TENM1: variants seen among roughly 807,000 people sequenced by gnomAD.
TENM1 encodes teneurin transmembrane protein 1.
In TENM1, 35 loss-of-function variants were observed where a neutral mutation model predicts 174.8. The ratio of observed to expected loss-of-function variants is 0.20; its 90% confidence interval spans 0.15 to 0.27. The LOEUF (loss-of-function observed/expected upper bound fraction) is 0.27, where lower values mean the gene tolerates loss of function less well. Among genes scored for constraint, TENM1 ranks in the 10% least tolerant of loss-of-function variants. The pLI, the probability that TENM1 is intolerant of heterozygous loss-of-function variation, is 1.00. For missense variants in TENM1, 1,633 were observed against 2,130.1 expected, an observed-to-expected ratio of 0.77 and a Z score of 4.59; for synonymous variants, 781 against 798.7, an observed-to-expected ratio of 0.98 and a Z score of 0.37.
the TENM1 span, among the ~76,000 whole-genome samples, chrX:125,189,170 G>A: frequency 2.7e-5 from 3 of 112,075 alleles, no homozygotes; most frequent in Non-Finnish European, 5.6e-5. Flanking sequence ...TCCTTTAGGA[G>A]TGTGTCACCC....
chrX:125,182,668 A>G, the TENM1 span, among the ~76,000 whole-genome samples: 1 of 111,579 alleles, frequency 9.0e-6, no homozygotes, highest in African/African-American at 3.3e-5. Flanking sequence ...CACAGTCCCC[A>G]ACTCTCTACT....
At chrX:125,154,553 A>C in the TENM1 span, among the ~76,000 whole-genome samples, 1 of 111,780 alleles carries the variant, frequency 8.9e-6, no homozygotes, top group African/African-American at 3.3e-5. Context: ...AAGAAAAAGC[A>C]GACTCACCTA....
exon 32 of TENM1, chrX:124,381,067 C>T (rs1248130335): frequency 8.3e-7 from 1 of 1,210,233 alleles, no homozygotes; most frequent in Non-Finnish European, 1.1e-6. Context: ...TGGCAGCAAG[C>T]CGCCTGCTAT....
intron 3 of TENM1, among the ~76,000 whole-genome samples, chrX:124,754,455 C>T (rs1326319215): frequency 4.5e-5 from 5 of 111,167 alleles, no homozygotes; most frequent in African/African-American, 9.8e-5. Context: ...GATTCATTAA[C>T]TTTTTGAAGG....
intron 27 of TENM1, among the ~76,000 whole-genome samples, chrX:124,398,182 C>T (rs950589044): frequency 1.0e-3 from 113 of 107,654 alleles, no homozygotes; most frequent in African/African-American, 3.8e-3. Context: ...GGGCCAAGAT[C>T]GCGCCACTGC....
intron 11 of TENM1, among the ~76,000 whole-genome samples, chrX:124,588,709 T>A (rs766833013): frequency 2.0e-3 from 224 of 110,736 alleles, no homozygotes; most frequent in Middle Eastern, 9.1e-3. Context: ...AAAATAAAAA[T>A]AAAAAAAGAA....
chrX:125,171,515 T>C, the TENM1 span, among the ~76,000 whole-genome samples: 1 of 110,477 alleles, frequency 9.1e-6, no homozygotes, highest in African/African-American at 3.3e-5. Context: ...TATTAGGAGG[T>C]AGAGCCTTCA....
At chrX:124,976,009 G>A in the TENM1 span, among the ~76,000 whole-genome samples, 20 of 111,074 alleles carry the variant, frequency 1.8e-4, no homozygotes, top group South Asian at 1.9e-3. Context: ...TAGCACATGA[G>A]AATAATTAGA....
At chrX:124,664,176 T>C (rs2051681262) in intron 6 of TENM1, among the ~76,000 whole-genome samples, 1 of 111,940 alleles carries the variant, frequency 8.9e-6, no homozygotes, top group South Asian at 3.7e-4. Context: ...TTACATGAAT[T>C]ATTCCCAATT....
At chrX:124,392,498 T>A (rs139495344) in intron 27 of TENM1, 150 bp from the exon 31 acceptor site, 21 of 458,178 alleles carry the variant, frequency 4.6e-5, no homozygotes, top group African/African-American at 2.9e-4. Context: ...AGATGCCACC[T>A]GTCTTTATTC....
intron 5 of TENM1, among the ~76,000 whole-genome samples, chrX:124,699,008 G>A (rs1393293812): frequency 9.0e-6 from 1 of 111,513 alleles, no homozygotes; most frequent in Admixed American, 9.5e-5. Flanking sequence ...CCTGCCATCT[G>A]TTTAAAAGCC....
Position 124,903,958 on chromosome X carries a change from G to A in TENM1, c.218-7717C>T, listed in dbSNP as rs146564707. Among the ~76,000 whole-genome samples, 54 of 111,415 alleles carry A rather than the reference G, an allele frequency of 4.8e-4. No homozygotes were observed. In the East Asian group the frequency reaches 0.015, roughly 32 times the overall value. Reference sequence around the variant, plus strand: ...CCAATTTTCTGGCTGGTCATAACTCGTTGGAACCTGAATCCTTGTTGCCCA... The same window carrying A: ...CCAATTTTCTGGCTGGTCATAACTCATTGGAACCTGAATCCTTGTTGCCCA... On this transcript the variant is annotated intron_variant, in intron 1 of 31. Coordinates refer to ENST00000422452, the Ensembl canonical transcript of TENM1.
At chrX:125,201,983 G>C in the TENM1 span, among the ~76,000 whole-genome samples, 1 of 111,241 alleles carries the variant, frequency 9.0e-6, no homozygotes, top group African/African-American at 3.3e-5. Flanking sequence ...GCGGGGGTGA[G>C]CAAGCAAGCA....
chrX:124,578,117 T>C (rs2049216838), intron 11 of TENM1, among the ~76,000 whole-genome samples: 1 of 110,036 alleles, frequency 9.1e-6, no homozygotes, highest in Admixed American at 9.7e-5. Flanking sequence ...CTGTAGAGAT[T>C]GGGTCTCACT....
intron 22 of TENM1, among the ~76,000 whole-genome samples, chrX:124,473,267 G>A (rs2061355272): frequency 9.0e-6 from 1 of 111,153 alleles, no homozygotes; most frequent in Non-Finnish European, 1.9e-5. Flanking sequence ...AACTACTAAA[G>A]CAATTTTACA....
chrX:124,710,328 C>T (rs1428403010), intron 4 of TENM1, among the ~76,000 whole-genome samples: 2 of 111,623 alleles, frequency 1.8e-5, no homozygotes, highest in Non-Finnish European at 3.8e-5. Flanking sequence ...AAAGGAGAAA[C>T]CCAGCAGAAT....
chrX:124,567,908 G>A (rs1001313441), intron 11 of TENM1, among the ~76,000 whole-genome samples: 6 of 111,730 alleles, frequency 5.4e-5, no homozygotes, highest in African/African-American at 2.0e-4. Context: ...AGTCAGCTCT[G>A]CCTAGAATAG....
chrX:124,467,934 T>C (rs2061258346), intron 22 of TENM1, among the ~76,000 whole-genome samples: 1 of 110,245 alleles, frequency 9.1e-6, no homozygotes, highest in African/African-American at 3.3e-5. Flanking sequence ...AATTTTTGTA[T>C]TTTTAGTAGA....
Position 124,900,088 on chromosome X carries a change from C to T in TENM1, c.218-3847G>A, listed in dbSNP as rs768446872. 2.7e-5 allele frequency among the ~76,000 whole-genome samples: 3 copies of T among 112,437 alleles called. No homozygotes were observed. The East Asian group carries it at 8.3e-4, about 31-fold the overall frequency. On this transcript the variant is annotated intron_variant, in intron 1 of 31. Transcript: ENST00000422452. ...ATGAAAACTTCTGTCCAAAACTGTA[C>T]AAAGTTGTTCATACCAGCTTTATTC... is the stretch of plus-strand genomic sequence containing the variant.
Sources: allele counts gnomAD v4.1 joint callset (sites outside exome capture counted in the v4.1 genomes callset), GRCh38; gene constraint gnomAD v4.1.1; transcripts MANE v1.5; gene names NCBI Gene and HGNC (gene_info 2026-07-23, HGNC 2026-07-21).